The following SPPL3 variants were observed in gnomAD, a reference collection of about 807,000 sequenced individuals.
The protein encoded by SPPL3 is signal peptide peptidase-like 3.
SPPL3 carries 5 observed loss-of-function variants against 42.4 expected under a neutral mutation model. The ratio of observed to expected loss-of-function variants is 0.12; its 90% CI spans 0.06 to 0.25. The LOEUF is 0.25. Ranked by LOEUF, SPPL3 falls within the 10% of genes least tolerant of loss-of-function variation. SPPL3 has a pLI of 1.00. For synonymous variants in SPPL3, 195 were observed against 181.8 expected (o/e 1.07, Z -0.58); for missense variants, 235 against 489.0 (o/e 0.48, Z 4.90).
chr12:120,835,874 G>A (rs937687834), intron 1 of SPPL3, among the ~76,000 whole-genome samples: 3 of 152,150 alleles, frequency 2.0e-5, no homozygotes, highest in African/African-American at 7.2e-5. Flanking sequence ...GGCCCCTTGA[G>A]AATCCTTAGA....
At chr12:120,823,875 A>AT (rs34258841) in intron 1 of SPPL3, among the ~76,000 whole-genome samples, 58,019 of 147,572 alleles carry the variant, frequency 0.39, 12,685 homozygotes, top group Admixed American at 0.54. Flanking sequence ...TCACAAAGAC[A>AT]TTTTTTTTTT....
Position 120,782,351 on chromosome 12 carries a change from G to C in SPPL3, c.502+304C>G, listed in dbSNP as rs1869573130. Among the ~76,000 whole-genome samples, 5 of 152,230 alleles carry C rather than the reference G, an allele frequency of 3.3e-5. No individual in the cohort carries two copies. The South Asian group carries it at 1.0e-3, about 31-fold the overall frequency. ...AAGTGCTGATACAGGTTACAACACA[G>C]ATGAACCTTGAAAACATGCTAAGTG... On this transcript the variant is annotated intron_variant, in intron 6 of 10. Transcript: ENST00000353487.
chr12:120,809,710 G>A (rs1475499423), intron 2 of SPPL3, among the ~76,000 whole-genome samples: 5 of 152,144 alleles, frequency 3.3e-5, no homozygotes, highest in Non-Finnish European at 7.4e-5. Flanking sequence ...GCTGCCTGCT[G>A]AGATGAGAAC....
At chr12:120,854,024 A>G (rs1402373014) in intron 1 of SPPL3, among the ~76,000 whole-genome samples, 2 of 144,650 alleles carry the variant, frequency 1.4e-5, no homozygotes, top group African/African-American at 2.5e-5. Context: ...ACACACACAC[A>G]CGGGGAAAAA....
At chr12:120,811,704 T>G (rs886169661) in intron 1 of SPPL3, among the ~76,000 whole-genome samples, 5 of 152,204 alleles carry the variant, frequency 3.3e-5, no homozygotes, top group African/African-American at 4.8e-5. Flanking sequence ...TGTTGTTGTT[T>G]AATTTCCATT....
At chr12:120,903,732 G>GCCCCCCCCCCCC in intron 1 of SPPL3, 113 bp downstream of exon 1, 4 of 385,020 alleles carry the variant, frequency 1.0e-5, no homozygotes, top group Non-Finnish European at 8.7e-6. Flanking sequence ...CCCAACCCGC[G>GCCCCCCCCCCCC]CCCCCCCCCC....
At chr12:120,895,634 G>C (rs1350695588) in intron 1 of SPPL3, among the ~76,000 whole-genome samples, 1 of 152,192 alleles carries the variant, frequency 6.6e-6, no homozygotes, top group Non-Finnish European at 1.5e-5. Flanking sequence ...TCTATAGTGA[G>C]GAACTCTATC....
chr12:120,842,871 A>ACT (rs1016191360), intron 1 of SPPL3, among the ~76,000 whole-genome samples: 2 of 152,180 alleles, frequency 1.3e-5, no homozygotes, highest in Non-Finnish European at 2.9e-5. Flanking sequence ...AGAGGCCTTA[A>ACT]CAAACATGCA....
chr12:120,892,984 GAAAA>G (rs11373013), intron 1 of SPPL3, among the ~76,000 whole-genome samples: 1 of 126,106 alleles, frequency 7.9e-6, no homozygotes, highest in Middle Eastern at 3.6e-3. Context: ...TCTGTCTCGG[GAAAA>G]AAAAAAAAAA....
chr12:120,796,124 C>A (rs1169204600), intron 2 of SPPL3, among the ~76,000 whole-genome samples: 1 of 152,122 alleles, frequency 6.6e-6, no homozygotes, highest in Non-Finnish European at 1.5e-5. Flanking sequence ...GACTGTGATC[C>A]CAGCACTTTG....
chr12:120,804,308 A>G lies in SPPL3; in HGVS notation c.101+6501T>C, dbSNP rs112759774. On this transcript the variant is annotated intron_variant, in intron 2 of 10. Transcript: ENST00000353487. ...AAAAGTCAAGAAATAGATAACAATTATAAGCATACAGAAAGTGAAAAGACA... is the reference window on the plus strand; with the variant it reads ...AAAAGTCAAGAAATAGATAACAATTGTAAGCATACAGAAAGTGAAAAGACA... Among the ~76,000 whole-genome samples the G allele has an allele frequency of 8.5e-5, 13 of 152,344 alleles. 1 individual carries two copies. The highest frequency in any genetic ancestry group is 2.9e-4 in the African/African-American group (12 of 41,596).
At chr12:120,872,762 A>AG (rs1391477443) in intron 1 of SPPL3, among the ~76,000 whole-genome samples, 2 of 152,172 alleles carry the variant, frequency 1.3e-5, no homozygotes, top group East Asian at 3.8e-4. Flanking sequence ...ACGGGGCCTT[A>AG]GAAGGATCAA....
chr12:120,793,800 T>C (rs940261078), intron 2 of SPPL3, among the ~76,000 whole-genome samples: 2 of 152,228 alleles, frequency 1.3e-5, no homozygotes, highest in African/African-American at 2.4e-5. Flanking sequence ...TTTAAATGTA[T>C]TGAGATTTGT....
At chr12:120,860,507 G>A (rs1426877377) in intron 1 of SPPL3, among the ~76,000 whole-genome samples, 2 of 152,124 alleles carry the variant, frequency 1.3e-5, no homozygotes, top group African/African-American at 2.4e-5. Context: ...TGTTAGCAAC[G>A]GATCCATGTC....
intron 1 of SPPL3, among the ~76,000 whole-genome samples, chr12:120,850,037 A>ACT (rs1030597065): frequency 1.1e-4 from 16 of 152,276 alleles, no homozygotes; most frequent in African/African-American, 3.8e-4. Flanking sequence ...CCAAGTTTGC[A>ACT]CCTGAGAGGC....
rs3050392 is a variant in SPPL3 at position 120,789,824 on chromosome 12, C to CAAAAAA, written c.190+1639_190+1644dup. Among the ~76,000 whole-genome samples, 120 of 30,456 alleles carry CAAAAAA rather than the reference C, an allele frequency of 3.9e-3. 13 individuals carry two copies. Among genetic ancestry groups the CAAAAAA allele is most frequent in the African/African-American group, 9.7e-3 (87 of 9,002 alleles). 20.0% of individuals were successfully genotyped at this position (30,456 alleles called of 152,430 possible). On this transcript the variant is annotated intron_variant, in intron 3 of 10. Coordinates refer to ENST00000353487, the MANE Select transcript of SPPL3 (RefSeq NM_139015.5). The stretch of plus-strand genomic sequence containing the variant: ...TGAATGACAGAGCAAGACTCCGTCT[C>CAAAAAA]AAAAAAAAAAAAAAAAAAAAAAAAA...
At chr12:120,854,769 A>C (rs926089845) in intron 1 of SPPL3, among the ~76,000 whole-genome samples, 13 of 152,316 alleles carry the variant, frequency 8.5e-5, no homozygotes, top group South Asian at 6.2e-4. Context: ...CAACAAGAAG[A>C]AGCTAACTTC....
intron 1 of SPPL3, among the ~76,000 whole-genome samples, chr12:120,884,808 G>GGGTTTTTTTTTTTTTT: frequency 7.3e-6 from 1 of 137,508 alleles, no homozygotes; most frequent in Non-Finnish European, 1.6e-5. Context: ...TTTTTTTTGG[G>GGGTTTTTTTTTTTTTT]TTTTTTTTTT....
chr12:120,805,892 T>C (rs1407705595), intron 2 of SPPL3, among the ~76,000 whole-genome samples: 1 of 151,754 alleles, frequency 6.6e-6, no homozygotes, highest in Non-Finnish European at 1.5e-5. Flanking sequence ...AATATCTAAA[T>C]AAACGGAGAC....
Sources: allele counts gnomAD v4.1 joint callset (sites outside exome capture counted in the v4.1 genomes callset), GRCh38; gene constraint gnomAD v4.1.1; transcripts MANE v1.5; gene names NCBI Gene and HGNC (gene_info 2026-07-23, HGNC 2026-07-21).